The following ANKRD26 variants were observed in gnomAD, a reference collection of about 807,000 sequenced individuals.
The protein encoded by ANKRD26 is ankyrin repeat domain 26.
Under a neutral mutation model 208.7 loss-of-function variants are expected in ANKRD26, and 141 were observed. The ratio of observed to expected loss-of-function variants is 0.68; its 90% CI spans 0.59 to 0.78. The LOEUF (loss-of-function observed/expected upper bound fraction) is 0.78, where lower values mean the gene tolerates loss of function less well. Ranked by LOEUF, ANKRD26 falls within the 30% of genes least tolerant of loss-of-function variation. The probability of loss-of-function intolerance (pLI) is 0.00; values close to 1 mark genes in which losing one functional copy is unlikely to be tolerated. For synonymous variants in ANKRD26, 636 were observed against 660.4 expected (o/e 0.96, Z 0.57); for missense variants, 1,889 against 1,938.7 (o/e 0.97, Z 0.48).
At chr10:26,983,752 G>C (rs1163832069) in intron 3 of ANKRD26, among the ~76,000 whole-genome samples, 1 of 152,146 alleles carries the variant, frequency 6.6e-6, no homozygotes, top group Non-Finnish European at 1.5e-5. Context: ...TAGTGAGCTG[G>C]TCCTTTCCTC....
chr10:26,969,087 C>T (rs1446738636), downstream of ANKRD26, among the ~76,000 whole-genome samples: 3 of 152,150 alleles, frequency 2.0e-5, no homozygotes, highest in Non-Finnish European at 2.9e-5. Flanking sequence ...CTAATATATA[C>T]TCCTTGAGTC....
chr10:26,989,307 G>A (rs2052445151), downstream of ANKRD26, among the ~76,000 whole-genome samples: 1 of 152,100 alleles, frequency 6.6e-6, no homozygotes, highest in Non-Finnish European at 1.5e-5. Context: ...TTTCTTGGCT[G>A]TCTCTAGTTC....
intron 27 of ANKRD26, among the ~76,000 whole-genome samples, chr10:27,026,948 G>A (rs2053678946): frequency 6.6e-6 from 1 of 152,034 alleles, no homozygotes. Context: ...ATCACGCCTG[G>A]CTAATTTTTG....
intron 1 of ANKRD26, among the ~76,000 whole-genome samples, chr10:27,096,778 A>G (rs2056480171): frequency 6.6e-6 from 1 of 151,724 alleles, no homozygotes; most frequent in Admixed American, 6.6e-5. Flanking sequence ...AAAAAAAAAA[A>G]AAAGAAAAAA....
chr10:27,089,797 A>G (rs1419038206), intron 4 of ANKRD26, among the ~76,000 whole-genome samples: 1 of 152,146 alleles, frequency 6.6e-6, no homozygotes, highest in Non-Finnish European at 1.5e-5. Flanking sequence ...TCTCAGAAAC[A>G]AAACAAAACA....
rs2055289403 is a variant in ANKRD26, at chr10:27,067,259, T to C, written c.1105A>G (p.Lys369Glu). 6.2e-7 allele frequency: 1 copy of C among 1,613,534 alleles called. No homozygotes were observed. The highest frequency in any genetic ancestry group is 1.7e-5 in the Admixed American group (1 of 59,984). Residue 369 changes from lysine (K) to glutamate (E), a missense_variant, in exon 10 of 34, where the codon AAA becomes GAA. Transcript: ENST00000376087. ...ATAATATCAATACCATTTTCTTTTTTTGCAATGCCTGGCTTTGTTGGTTCT... is the reference window on the plus strand; with the variant it reads ...ATAATATCAATACCATTTTCTTTTTCTGCAATGCCTGGCTTTGTTGGTTCT... The part of the protein sequence containing the change: ...KEEPTKPGIA[K>E]KENGIDIIES...
At position 27,005,344 on chromosome 10, in the gene ANKRD26, T is replaced by G; in HGVS notation, c.*246A>C. On this transcript the variant is annotated 3_prime_UTR_variant, in exon 34 of 34. Transcript: ENST00000376087. ...AAAGTATTAATGACAACTTAGTGGT[T>G]TGGCTGTTTAAACAGCTCACATTTG... 1 of 1,186,560 alleles carries G rather than the reference T, an allele frequency of 8.4e-7. No individual in the cohort carries two copies. Among genetic ancestry groups the G allele is most frequent in the Non-Finnish European group, 1.0e-6 (1 of 954,084 alleles). 73.5% of individuals were successfully genotyped at this position (1,186,560 alleles called of 1,614,324 possible).
intron 1 of ANKRD26, among the ~76,000 whole-genome samples, chr10:27,098,113 TTTTC>T (rs1339908064): frequency 6.6e-6 from 1 of 152,156 alleles, no homozygotes; most frequent in East Asian, 1.9e-4. Flanking sequence ...ACCCTTTACT[TTTTC>T]TTTTTTTATT....
chr10:26,959,964 G>A, the ANKRD26 span, among the ~76,000 whole-genome samples: 1 of 152,124 alleles, frequency 6.6e-6, no homozygotes, highest in Non-Finnish European at 1.5e-5. Context: ...GGTGGTGTCA[G>A]CCTATGCAGC....
Position 27,005,339 on chromosome 10 carries a change from G to A in ANKRD26, c.*251C>T, listed in dbSNP as rs766391764. ...GCACTAAAGTATTAATGACAACTTA[G>A]TGGTTTGGCTGTTTAAACAGCTCAC... On this transcript the variant is annotated 3_prime_UTR_variant, in exon 34 of 34. Coordinates refer to ENST00000376087, the MANE Select transcript of ANKRD26 (RefSeq NM_014915.3). 1 of 1,174,140 alleles carries A rather than the reference G, an allele frequency of 8.5e-7. No homozygotes were observed. Among genetic ancestry groups the A allele is most frequent in the Non-Finnish European group, 1.1e-6 (1 of 946,418 alleles). 72.7% of individuals were successfully genotyped at this position (1,174,140 alleles called of 1,614,324 possible).
Position 27,005,553 on chromosome 10 carries a change from A to G in ANKRD26, c.*37T>C. On this transcript the variant is annotated 3_prime_UTR_variant, in exon 34 of 34. Transcript: ENST00000376087. ...ATATTAATATTTAATGAGAAACAAA[A>G]TGTCACATAAACAGCCCAGTAATAA... 6.3e-7 allele frequency: 1 copy of G among 1,593,056 alleles called. No homozygotes were observed. The highest frequency in any genetic ancestry group is 1.3e-5 in the African/African-American group (1 of 74,486).
At chr10:27,099,766 G>A (rs992269672) in intron 1 of ANKRD26, among the ~76,000 whole-genome samples, 1 of 152,252 alleles carries the variant, frequency 6.6e-6, no homozygotes, top group African/African-American at 2.4e-5. Flanking sequence ...CTTTCCATAA[G>A]TGTATGACAT....
At chr10:26,966,823 G>A in the ANKRD26 span, among the ~76,000 whole-genome samples, 7 of 152,094 alleles carry the variant, frequency 4.6e-5, no homozygotes, top group Admixed American at 2.0e-4. Context: ...GTGGCATTAC[G>A]GTGGTTTGCA....
At position 27,061,890 on chromosome 10, in the gene ANKRD26, T is replaced by TA. The variant is rs921258957; in HGVS notation, c.1364-649dup. ...AGCAACATATATCTTTGATGTCTGA[T>TA]AGTTATAGAAAGGAGATATGAATCA... On this transcript the variant is annotated intron_variant, in intron 12 of 33. Coordinates refer to ENST00000376087, the MANE Select transcript of ANKRD26 (RefSeq NM_014915.3). The TA allele has an allele frequency of 1.2e-5, 11 of 945,000 alleles. No homozygotes were observed. In the Middle Eastern group the frequency reaches 2.2e-3, roughly 186 times the overall value. 58.5% of individuals were successfully genotyped at this position (945,000 alleles called of 1,614,324 possible).
chr10:27,058,646 G>A (rs2054928511), intron 15 of ANKRD26, among the ~76,000 whole-genome samples: 1 of 151,420 alleles, frequency 6.6e-6, no homozygotes, highest in African/African-American at 2.4e-5. Context: ...CGCCATCTCG[G>A]CTCACTGCAA....
intron 27 of ANKRD26, among the ~76,000 whole-genome samples, chr10:27,028,371 C>T (rs540136883): frequency 5.3e-5 from 8 of 151,568 alleles, no homozygotes; most frequent in Non-Finnish European, 1.2e-4. Flanking sequence ...CCGAGGCGGG[C>T]GGATCATGAG....
rs2054469227 is a variant in ANKRD26 at position 27,046,948 on chromosome 10, T to C, written c.1815-425A>G. Reference sequence around the variant, plus strand: ...TTAGAGAATAGAAGGTGAGCACAGATTAGGCACACGGCATCTAGATGTTTC... The same window carrying C: ...TTAGAGAATAGAAGGTGAGCACAGACTAGGCACACGGCATCTAGATGTTTC... On this transcript the variant is annotated intron_variant, in intron 17 of 33. Coordinates refer to ENST00000376087, the MANE Select transcript of ANKRD26 (RefSeq NM_014915.3). Among the ~76,000 whole-genome samples the C allele has an allele frequency of 2.6e-5, 4 of 151,990 alleles. No individual in the cohort carries two copies. The South Asian group carries it at 8.3e-4, about 32-fold the overall frequency.
At chr10:27,077,221 T>A (rs963949057) in intron 9 of ANKRD26, 117 bp downstream of exon 9, 2 of 893,496 alleles carry the variant, frequency 2.2e-6, no homozygotes, top group African/African-American at 3.3e-5. Flanking sequence ...ATGTGATTCA[T>A]CACATAAACA....
At chr10:26,971,263 G>T (rs1046065088), downstream of ANKRD26, among the ~76,000 whole-genome samples, 2 of 152,080 alleles carry the variant, frequency 1.3e-5, no homozygotes, top group Admixed American at 6.6e-5. Flanking sequence ...TGCACCTCTC[G>T]TCTCAGCTAC....
Sources: allele counts gnomAD v4.1 joint callset (sites outside exome capture counted in the v4.1 genomes callset), GRCh38; gene constraint gnomAD v4.1.1; transcripts MANE v1.5; gene names NCBI Gene and HGNC (gene_info 2026-07-23, HGNC 2026-07-21).